ZNF710: variants seen among roughly 807,000 people sequenced by gnomAD.
ZNF710 encodes zinc finger protein 710.
In ZNF710, 13 loss-of-function variants were observed where a neutral mutation model predicts 50.6. The ratio of observed to expected loss-of-function variants is 0.26; its 90% CI spans 0.17 to 0.41. The LOEUF (loss-of-function observed/expected upper bound fraction) is 0.41, where lower values mean the gene tolerates loss of function less well. Among genes scored for constraint, ZNF710 ranks in the 10% least tolerant of loss-of-function variants. The probability of loss-of-function intolerance (pLI) is 1.00; values close to 1 mark genes in which losing one functional copy is unlikely to be tolerated. For synonymous variants in ZNF710, 383 were observed against 397.0 expected (o/e 0.96, Z 0.42); for missense variants, 721 against 936.6 (o/e 0.77, Z 3.01).
intron 1 of ZNF710, among the ~76,000 whole-genome samples, chr15:90,018,390 A>G (rs752433733): frequency 3.4e-5 from 5 of 148,544 alleles, no homozygotes; most frequent in Non-Finnish European, 7.5e-5. Flanking sequence ...CTGGTCTTGA[A>G]CTCCTGACTT....
intron 1 of ZNF710, among the ~76,000 whole-genome samples, chr15:90,065,285 G>A (rs903530057): frequency 2.0e-5 from 3 of 152,234 alleles, no homozygotes; most frequent in Admixed American, 6.5e-5. Flanking sequence ...GCCGCCGACC[G>A]TGTGCCTGAC....
chr15:90,053,164 T>A (rs1032340017), intron 1 of ZNF710, among the ~76,000 whole-genome samples: 4 of 152,110 alleles, frequency 2.6e-5, no homozygotes, highest in African/African-American at 9.7e-5. Flanking sequence ...TAGAAGAGTG[T>A]ATTTTGGGGA....
At chr15:90,047,353 G>T (rs1363750930) in intron 1 of ZNF710, among the ~76,000 whole-genome samples, 1 of 152,196 alleles carries the variant, frequency 6.6e-6, no homozygotes, top group Non-Finnish European at 1.5e-5. Flanking sequence ...TGGTGAGGCA[G>T]GTGCTCTTGG....
In ZNF710 at chr15:90,068,214, C is replaced by G. The variant is rs574196974; in HGVS notation, c.1077C>G (p.Ala359=). The G allele has an allele frequency of 6.2e-7, 1 of 1,613,858 alleles. No individual in the cohort carries two copies. The highest frequency in any genetic ancestry group is 8.5e-7 in the Non-Finnish European group (1 of 1,180,018). Residue 359 remains alanine (A), a synonymous_variant, in exon 2 of 5, where the codon GCC becomes GCG. Coordinates refer to ENST00000268154, the MANE Select transcript of ZNF710 (RefSeq NM_198526.4). This position sits in a 1 kb window ranked among gnomAD's most constrained non-coding sequence, Gnocchi z 5.0. ...RPHKCQVCHK[A]FTQTSHLKRH... The stretch of plus-strand genomic sequence containing the variant: ...ACAAGTGCCAGGTATGCCACAAGGC[C>G]TTCACGCAGACCAGCCACCTCAAGC...
In ZNF710 at chr15:90,044,452, C is replaced by T. The variant is rs755365228; in HGVS notation, c.-28-22658C>T. On this transcript the variant is annotated intron_variant, in intron 1 of 4. Coordinates refer to ENST00000268154, the MANE Select transcript of ZNF710 (RefSeq NM_198526.4). ...GTGTGAGGAAGGGGGCCGGTCCACACGACACAAGCTGGACCGACAGCTGAG... is the reference window on the plus strand; with the variant it reads ...GTGTGAGGAAGGGGGCCGGTCCACATGACACAAGCTGGACCGACAGCTGAG... Among the ~76,000 whole-genome samples the T allele has an allele frequency of 3.3e-5, 5 of 152,186 alleles. No individual in the cohort carries two copies. The South Asian group carries it at 6.2e-4, about 19-fold the overall frequency.
At chr15:90,045,235 T>C (rs184330656) in intron 1 of ZNF710, 17 of 607,942 alleles carry the variant, frequency 2.8e-5, no homozygotes, top group South Asian at 7.3e-5. Context: ...GTGCTGTCCA[T>C]GTTTGCCAGG....
chr15:90,067,855 G>T lies in ZNF710; in HGVS notation c.718G>T (p.Val240Phe). Residue 240 changes from valine (V) to phenylalanine (F), a missense_variant, in exon 2 of 5, where the codon GTC becomes TTC. Transcript: ENST00000268154. The surrounding 1 kb of genome is among the most constrained non-coding windows in gnomAD (Gnocchi z 8.1). ...EAPSMESPEP[V>F]KPEQGFVWQE... Reference sequence around the variant, plus strand: ...CCCCAGCATGGAGTCCCCGGAGCCTGTCAAGCCGGAACAGGGCTTCGTGTG... The same window carrying T: ...CCCCAGCATGGAGTCCCCGGAGCCTTTCAAGCCGGAACAGGGCTTCGTGTG... 1.2e-6 allele frequency: 2 copies of T among 1,603,134 alleles called. No homozygotes were observed. The highest frequency in any genetic ancestry group is 1.1e-5 in the South Asian group (1 of 90,354).
Position 90,067,875 on chromosome 15 carries a change from C to T in ZNF710, c.738C>T (p.Phe246=), listed in dbSNP as rs141884069. 1.9e-4 allele frequency: 304 copies of T among 1,609,108 alleles called. No homozygotes were observed. In the African/African-American group the frequency reaches 3.6e-3, roughly 19 times the overall value. ...AGCCTGTCAAGCCGGAACAGGGCTT[C>T]GTGTGGCAGGAGGCCAGTGAGTTCG... ...SPEPVKPEQG[F]VWQEASEFEA... Residue 246 remains phenylalanine (F), a synonymous_variant, in exon 2 of 5, where the codon TTC becomes TTT. Coordinates refer to ENST00000268154, the MANE Select transcript of ZNF710 (RefSeq NM_198526.4). The surrounding 1 kb of genome is among the most constrained non-coding windows in gnomAD (Gnocchi z 8.1).
upstream of ZNF710, among the ~76,000 whole-genome samples, chr15:89,998,711 A>G (rs1897962949): frequency 6.6e-6 from 1 of 152,166 alleles, no homozygotes; most frequent in Non-Finnish European, 1.5e-5. Flanking sequence ...GTGGGGTTTG[A>G]GCCTCACAAC....
intron 1 of ZNF710, among the ~76,000 whole-genome samples, chr15:90,019,476 G>A (rs1898550951): frequency 6.6e-6 from 1 of 152,124 alleles, no homozygotes; most frequent in Admixed American, 6.5e-5. Flanking sequence ...TCTAAAGGCT[G>A]TTCGTCTAGA....
At chr15:90,037,964 T>C (rs1018086149) in intron 1 of ZNF710, among the ~76,000 whole-genome samples, 15 of 152,218 alleles carry the variant, frequency 9.9e-5, no homozygotes, top group African/African-American at 3.6e-4. Context: ...GTCTGGTGTC[T>C]ACTCCCCTTT....
chr15:90,008,154 A>G (rs1898185500), intron 1 of ZNF710, among the ~76,000 whole-genome samples: 1 of 151,964 alleles, frequency 6.6e-6, no homozygotes, highest in Admixed American at 6.6e-5. Context: ...TATATGTTGA[A>G]TCAGCAGCTT....
chr15:90,043,662 C>T (rs933571576), intron 1 of ZNF710, among the ~76,000 whole-genome samples: 6 of 152,232 alleles, frequency 3.9e-5, no homozygotes, highest in Admixed American at 3.9e-4. Context: ...CCGTGATTGG[C>T]ACCGCCTGTG....
chr15:90,013,786 A>G (rs1446344777), intron 1 of ZNF710, among the ~76,000 whole-genome samples: 1 of 152,172 alleles, frequency 6.6e-6, no homozygotes, highest in Non-Finnish European at 1.5e-5. Flanking sequence ...TTCAGGTCCA[A>G]TTAAAAACTC....
At chr15:90,043,073 C>T (rs993997103) in intron 1 of ZNF710, among the ~76,000 whole-genome samples, 1 of 152,242 alleles carries the variant, frequency 6.6e-6, no homozygotes, top group African/African-American at 2.4e-5. Flanking sequence ...GGGGACAGCC[C>T]ATCCCAGGGC....
At chr15:90,005,503 C>T (rs544555036) in intron 1 of ZNF710, among the ~76,000 whole-genome samples, 38 of 152,230 alleles carry the variant, frequency 2.5e-4, no homozygotes, top group Non-Finnish European at 4.6e-4. Flanking sequence ...GGCTGGAGTG[C>T]AGTGGCGCGA....
At chr15:90,025,503 C>G (rs1408074783) in intron 1 of ZNF710, 1 of 152,186 alleles carries the variant, frequency 6.6e-6, no homozygotes, top group African/African-American at 2.4e-5. Flanking sequence ...CCATTTAGTA[C>G]TTTTGTGTAT....
In ZNF710 at chr15:90,067,029, A is replaced by G. The variant is rs1441845281; in HGVS notation, c.-28-81A>G. The stretch of plus-strand genomic sequence containing the variant: ...GAGCCAGACACACCCAAAATCAGCC[A>G]AGCCCTTGTCTGTGCTGTGTCTGTT... On this transcript the variant is annotated intron_variant, in intron 1 of 4. Transcript: ENST00000268154. This position sits in a 1 kb window ranked among gnomAD's most constrained non-coding sequence, Gnocchi z 8.1. The G allele has an allele frequency of 1.4e-6, 2 of 1,453,804 alleles. No individual in the cohort carries two copies. The highest frequency in any genetic ancestry group is 2.8e-5 in the African/African-American group (2 of 70,218). 90.1% of individuals were successfully genotyped at this position (1,453,804 alleles called of 1,614,324 possible).
Position 90,055,376 on chromosome 15 carries a change from G to A in ZNF710, c.-28-11734G>A, listed in dbSNP as rs150143783. Among the ~76,000 whole-genome samples the A allele has an allele frequency of 5.3e-5, 8 of 152,276 alleles. No homozygotes were observed. The East Asian group carries it at 1.4e-3, about 26-fold the overall frequency. On this transcript the variant is annotated intron_variant, in intron 1 of 4. Coordinates refer to ENST00000268154, the MANE Select transcript of ZNF710 (RefSeq NM_198526.4). Reference sequence around the variant, plus strand: ...CCGTGTGCAGGTGAGGTCTATTAAAGAACATCGATGAAGTCCACGTGGCTT... The same window carrying A: ...CCGTGTGCAGGTGAGGTCTATTAAAAAACATCGATGAAGTCCACGTGGCTT...
Sources: gnomAD v4.1 joint callset for allele counts (sites outside exome capture counted in the v4.1 genomes callset) on GRCh38, gnomAD v4.1.1 for gene constraint, Gnocchi (gnomAD v3.1) non-coding constraint, MANE v1.5 for transcripts, NCBI Gene and HGNC (gene_info 2026-07-23, HGNC 2026-07-21) for gene names.